The following MYLK variants were observed in gnomAD, a reference collection of about 807,000 sequenced individuals.
The protein encoded by MYLK is myosin light chain kinase, smooth muscle.
MYLK carries 106 observed loss-of-function variants against 203.4 expected under a neutral mutation model. That is an observed-to-expected ratio of 0.52 (90% CI 0.45 to 0.61). The LOEUF (loss-of-function observed/expected upper bound fraction) is 0.61, where lower values mean the gene tolerates loss of function less well. MYLK is among the 20% of genes least tolerant of loss of function. The probability of loss-of-function intolerance (pLI) is 0.00; values close to 1 mark genes in which losing one functional copy is unlikely to be tolerated. For synonymous variants in MYLK, 867 were observed against 959.5 expected, an observed-to-expected ratio of 0.90 and a Z score of 1.78; for missense variants, 2,072 against 2,442.3, an observed-to-expected ratio of 0.85 and a Z score of 3.20.
chr3:123,883,214 G>A (rs1577179662), intron 1 of MYLK, among the ~76,000 whole-genome samples: 1 of 152,150 alleles, frequency 6.6e-6, no homozygotes, highest in African/African-American at 2.4e-5. Context: ...TGGGGTGGGC[G>A]GGTCATTGCA....
intron 2 of MYLK, among the ~76,000 whole-genome samples, chr3:123,848,433 C>T (rs2030324801): frequency 6.6e-6 from 1 of 151,892 alleles, no homozygotes; most frequent in Non-Finnish European, 1.5e-5. Context: ...ATTGCTTACA[C>T]AATATTTATA....
chr3:123,647,646 A>C (rs1408514051), intron 26 of MYLK, among the ~76,000 whole-genome samples: 1 of 152,110 alleles, frequency 6.6e-6, no homozygotes, highest in African/African-American at 2.4e-5. Flanking sequence ...AAAATCTAAG[A>C]TATCAGCCTT....
chr3:123,797,614 G>A (rs553982851), intron 3 of MYLK, among the ~76,000 whole-genome samples: 2 of 152,306 alleles, frequency 1.3e-5, no homozygotes, highest in East Asian at 3.9e-4. Context: ...GATGAAGGTG[G>A]GGACAGGTAT....
intron 2 of MYLK, among the ~76,000 whole-genome samples, chr3:123,869,551 G>A (rs2032594382): frequency 6.6e-6 from 1 of 152,140 alleles, no homozygotes; most frequent in Non-Finnish European, 1.5e-5. Flanking sequence ...TTTCAGCTCT[G>A]AAATATTCTA....
At chr3:123,673,675 A>G (rs2059988482) in intron 20 of MYLK, among the ~76,000 whole-genome samples, 1 of 152,110 alleles carries the variant, frequency 6.6e-6, no homozygotes, top group Non-Finnish European at 1.5e-5. Flanking sequence ...TGGCTCACTA[A>G]CTAGTTTCCT....
intron 2 of MYLK, among the ~76,000 whole-genome samples, chr3:123,841,947 G>A (rs1201440560): frequency 6.6e-6 from 1 of 152,116 alleles, no homozygotes; most frequent in African/African-American, 2.4e-5. Context: ...TGTTGTGGTA[G>A]ATTATCTCCC....
chr3:123,715,817 T>C (rs2061872062), intron 13 of MYLK: 1 of 152,214 alleles, frequency 6.6e-6, no homozygotes, highest in South Asian at 2.1e-4. Context: ...AACAACTAAA[T>C]TCTGAATTTC....
chr3:123,645,026 C>T (rs1026061080), intron 27 of MYLK, among the ~76,000 whole-genome samples: 5 of 152,062 alleles, frequency 3.3e-5, no homozygotes, highest in African/African-American at 1.2e-4. Flanking sequence ...GGATTTGTTC[C>T]ACAACACCTT....
At chr3:123,864,860 T>C (rs940446892) in intron 2 of MYLK, among the ~76,000 whole-genome samples, 4 of 152,332 alleles carry the variant, frequency 2.6e-5, no homozygotes, top group African/African-American at 9.6e-5. Context: ...CACTGCACTC[T>C]AGCTTGAGTG....
At chr3:123,618,792 C>A in intron 32 of MYLK, 22 bp from the exon 33 acceptor site, 1 of 1,613,732 alleles carries the variant, frequency 6.2e-7, no homozygotes, top group Non-Finnish European at 8.5e-7. Flanking sequence ...AGAAGAAGAC[C>A]AGGTCATTTC....
chr3:123,805,933 C>T (rs573724305), intron 3 of MYLK, among the ~76,000 whole-genome samples: 62 of 152,290 alleles, frequency 4.1e-4, no homozygotes, highest in African/African-American at 1.5e-3. Context: ...ATGTAGCAAG[C>T]ACTCAAAAAA....
Position 123,737,280 on chromosome 3 carries a change from T to C in MYLK, c.754+98A>G, listed in dbSNP as rs1181859951. The C allele has an allele frequency of 4.7e-6, 7 of 1,479,612 alleles. No homozygotes were observed. The Admixed American group carries it at 8.4e-5, about 18-fold the overall frequency. 91.7% of individuals were successfully genotyped at this position (1,479,612 alleles called of 1,614,324 possible). A position where few individuals can be genotyped will look rare whatever the true frequency, so the allele number is the denominator to read the frequency against. On this transcript the variant is annotated intron_variant, in intron 8 of 33. Coordinates refer to ENST00000360304, the MANE Select transcript of MYLK (RefSeq NM_053025.4). ...TGCCTGGGTGTGTGAGTGGGCCAGGTGTATACACACACAGGTGCGCAGTGA... is the reference window on the plus strand; with the variant it reads ...TGCCTGGGTGTGTGAGTGGGCCAGGCGTATACACACACAGGTGCGCAGTGA...
At chr3:123,857,360 C>T (rs1422315761) in intron 2 of MYLK, among the ~76,000 whole-genome samples, 6 of 151,822 alleles carry the variant, frequency 4.0e-5, no homozygotes, top group Non-Finnish European at 8.8e-5. Flanking sequence ...ATGTTTATTG[C>T]GGCTCTATTC....
intron 13 of MYLK, among the ~76,000 whole-genome samples, chr3:123,718,990 G>A (rs2061999312): frequency 6.6e-6 from 1 of 152,180 alleles, no homozygotes; most frequent in South Asian, 2.1e-4. Flanking sequence ...GGGGTGATTA[G>A]GGTAGGCTTC....
rs1302828716 is a variant in MYLK, at chr3:123,642,426, G to C, written c.4620-1922C>G. ...TCTTGTCACTGACCCCTGCAGGAGA[G>C]AGACAGGGATGCACTGTGGGGCCCA... On this transcript the variant is annotated intron_variant, in intron 27 of 33. Coordinates refer to ENST00000360304, the MANE Select transcript of MYLK (RefSeq NM_053025.4). The surrounding 1 kb of genome is among the most constrained non-coding windows in gnomAD (Gnocchi z 4.2). Among the ~76,000 whole-genome samples the C allele has an allele frequency of 6.6e-6, 1 of 152,206 alleles. No individual in the cohort carries two copies. Among genetic ancestry groups the C allele is most frequent in the African/African-American group, 2.4e-5 (1 of 41,462 alleles).
At chr3:123,797,296 C>T (rs1227515201) in intron 3 of MYLK, among the ~76,000 whole-genome samples, 1 of 152,108 alleles carries the variant, frequency 6.6e-6, no homozygotes, top group Non-Finnish European at 1.5e-5. Context: ...AGCAGTCATA[C>T]TACAATTTTA....
At chr3:123,668,910 T>C (rs150327109) in intron 20 of MYLK, among the ~76,000 whole-genome samples, 46 of 152,342 alleles carry the variant, frequency 3.0e-4, no homozygotes, top group African/African-American at 1.0e-3. Flanking sequence ...CACTGCTGTA[T>C]ATCAATGGGC....
intron 3 of MYLK, among the ~76,000 whole-genome samples, chr3:123,804,537 T>C (rs778555675): frequency 1.1e-4 from 17 of 152,300 alleles, no homozygotes; most frequent in Admixed American, 2.6e-4. Flanking sequence ...TGTGAGCAGG[T>C]TCTCTACCTG....
At chr3:123,736,304 T>C (rs1260718760) in intron 8 of MYLK, among the ~76,000 whole-genome samples, 2 of 151,938 alleles carry the variant, frequency 1.3e-5, no homozygotes, top group Admixed American at 6.6e-5. Context: ...TTGTGAAAAA[T>C]ACCCAGGCCA....
Sources: allele counts gnomAD v4.1 joint callset (sites outside exome capture counted in the v4.1 genomes callset), GRCh38; gene constraint gnomAD v4.1.1; non-coding constraint Gnocchi (gnomAD v3.1); transcripts MANE v1.5; gene names NCBI Gene and HGNC (gene_info 2026-07-23, HGNC 2026-07-21).